SBNO1: variants seen among roughly 807,000 people sequenced by gnomAD.
SBNO1 encodes strawberry notch homolog 1, also known as protein strawberry notch homolog 1.
SBNO1 carries 23 observed loss-of-function variants against 173.6 expected under a neutral mutation model. The ratio of observed to expected loss-of-function variants is 0.13; its 90% CI spans 0.10 to 0.19. SBNO1 has a LOEUF of 0.19. Ranked by LOEUF, SBNO1 falls within the 10% of genes least tolerant of loss-of-function variation. SBNO1 has a pLI of 1.00. For missense variants in SBNO1, 1,238 were observed against 1,671.2 expected (o/e 0.74, Z 4.52); for synonymous variants, 632 against 571.5 (o/e 1.11, Z -1.51).
chr12:123,347,104 G>C (rs952123317), intron 3 of SBNO1, among the ~76,000 whole-genome samples: 2 of 150,506 alleles, frequency 1.3e-5, no homozygotes, highest in Admixed American at 1.3e-4. Flanking sequence ...AAACAAGAAT[G>C]AAAGAAATGT....
chr12:123,289,533 T>A lies in SBNO1; in HGVS notation c.*6375A>T, dbSNP rs1458466713. 2 of 152,224 alleles carry A rather than the reference T, an allele frequency of 1.3e-5. No homozygotes were observed. The highest frequency in any genetic ancestry group is 2.9e-5 in the Non-Finnish European group (2 of 68,030). The allele number at this position is 152,224 out of a possible 1,614,324, so 9.4% of individuals were successfully genotyped here. A position where few individuals can be genotyped will look rare whatever the true frequency, so the allele number is the denominator to read the frequency against. ...AGTTGTCTTTGGATCCCATCAGATG[T>A]TGTCTCCAGATGCACCATGTCAGAT... On this transcript the variant is annotated 3_prime_UTR_variant, in exon 32 of 32. Transcript: ENST00000602398.
rs536119758 is a variant in SBNO1 at position 123,308,009 on chromosome 12, T to C, written c.3630+1301A>G. Among the ~76,000 whole-genome samples, 96 of 152,068 alleles carry C rather than the reference T, an allele frequency of 6.3e-4. 1 individual carries two copies. Among genetic ancestry groups the C allele is most frequent in the African/African-American group, 2.3e-3 (94 of 41,468 alleles). Reference sequence around the variant, plus strand: ...ATCGCTTGAACCTGGGAGGCGGAGGTTGCAGTAAGCCAAGATCGTGCCACT... The same window carrying C: ...ATCGCTTGAACCTGGGAGGCGGAGGCTGCAGTAAGCCAAGATCGTGCCACT... On this transcript the variant is annotated intron_variant, in intron 28 of 31. Transcript: ENST00000602398.
At chr12:123,340,669 C>T (rs1300898747) in intron 5 of SBNO1, among the ~76,000 whole-genome samples, 1 of 149,900 alleles carries the variant, frequency 6.7e-6, no homozygotes, top group Admixed American at 6.6e-5. Flanking sequence ...TATTCAAGTT[C>T]GGTCCTAAAA....
intron 9 of SBNO1, among the ~76,000 whole-genome samples, chr12:123,329,879 G>A (rs1319475377): frequency 6.6e-6 from 1 of 152,146 alleles, no homozygotes; most frequent in Non-Finnish European, 1.5e-5. Flanking sequence ...ATAAAGATTT[G>A]CTAACTGAAC....
intron 31 of SBNO1, among the ~76,000 whole-genome samples, chr12:123,296,255 T>C (rs2048591738): frequency 6.7e-6 from 1 of 149,542 alleles, no homozygotes; most frequent in South Asian, 2.1e-4. Flanking sequence ...CCCAAGCATA[T>C]GCATGTGTTT....
chr12:123,335,347 G>A lies in SBNO1; in HGVS notation c.748+1048C>T, dbSNP rs571860752. On this transcript the variant is annotated intron_variant, in intron 6 of 31. Transcript: ENST00000602398. The stretch of plus-strand genomic sequence containing the variant: ...CTAGCTACTCAAGAGGCTGAAGCAC[G>A]AGAATTGCTAGAATCCAGGAGGGAT... Among the ~76,000 whole-genome samples the A allele has an allele frequency of 4.0e-4, 61 of 152,326 alleles. No individual in the cohort carries two copies. In the Middle Eastern group the frequency reaches 0.014, roughly 34 times the overall value.
chr12:123,331,378 GA>G lies in SBNO1; in HGVS notation c.910-4del, dbSNP rs778241108. ...TTAGGTAGGAAAGTTTCATGTTGCT[GA>G]AAAACAAAAGGCTGGTAATTAATAT... On this transcript the variant is annotated splice_region_variant and splice_polypyrimidine_tract_variant and intron_variant, in intron 7 of 31. Transcript: ENST00000602398. 1 of 1,612,762 alleles carries G rather than the reference GA, an allele frequency of 6.2e-7. No individual in the cohort carries two copies. Among genetic ancestry groups the G allele is most frequent in the Non-Finnish European group, 8.5e-7 (1 of 1,179,500 alleles).
At chr12:123,309,963 T>A in intron 25 of SBNO1, 107 bp from the exon 26 acceptor site, 1 of 845,624 alleles carries the variant, frequency 1.2e-6, no homozygotes, top group Non-Finnish European at 1.9e-6. Context: ...TCTTCCTTCT[T>A]AACTCTTACA....
At chr12:123,321,790 T>C in intron 16 of SBNO1, 58 bp from the exon 17 acceptor site, 1 of 1,317,444 alleles carries the variant, frequency 7.6e-7, no homozygotes, top group African/African-American at 1.5e-5. Flanking sequence ...TAAGATCCAG[T>C]ACATCACATT....
Position 123,326,148 on chromosome 12 carries a change from T to C in SBNO1, c.1875+4A>G, listed in dbSNP as rs765439583. On this transcript the variant is annotated splice_donor_region_variant and intron_variant, in intron 14 of 31. Transcript: ENST00000602398. ...ACAATCTCTTAATGAGTTCTTCTAC[T>C]TACTTTTCCATTCTTGATTTCCTCT... 6.3e-7 allele frequency: 1 copy of C among 1,597,094 alleles called. No homozygotes were observed. The highest frequency in any genetic ancestry group is 1.7e-5 in the Admixed American group (1 of 58,664).
At chr12:123,303,901 A>G (rs1593327678) in intron 29 of SBNO1, among the ~76,000 whole-genome samples, 2 of 150,710 alleles carry the variant, frequency 1.3e-5, no homozygotes, top group East Asian at 3.9e-4. Flanking sequence ...AACAATTTCA[A>G]TATATTATAA....
In SBNO1 at chr12:123,328,899, A is replaced by AAAAAG; in HGVS notation, c.1135-9_1135-5dup. Reference sequence around the variant, plus strand: ...AAGAAATTTTTCCGTATTTAAACTAAAAAAGAAAAGAAAAGAATTTAGTTA... The same window carrying AAAAAG: ...AAGAAATTTTTCCGTATTTAAACTAAAAAAGAAAAGAAAAGAAAAGAATTTAGTTA... On this transcript the variant is annotated splice_region_variant and splice_polypyrimidine_tract_variant and intron_variant, in intron 9 of 31. Coordinates refer to ENST00000602398, the MANE Select transcript of SBNO1 (RefSeq NM_001167856.3). 1.3e-6 allele frequency: 2 copies of AAAAAG among 1,495,632 alleles called. No homozygotes were observed. The highest frequency in any genetic ancestry group is 3.9e-5 in the Admixed American group (2 of 50,690). 92.6% of individuals were successfully genotyped at this position (1,495,632 alleles called of 1,614,324 possible).
At chr12:123,342,949 TAA>T (rs1872729003) in intron 4 of SBNO1, among the ~76,000 whole-genome samples, 1 of 152,128 alleles carries the variant, frequency 6.6e-6, no homozygotes, top group Admixed American at 6.6e-5. Flanking sequence ...CGAGTACAAC[TAA>T]TTAAAGTATT....
chr12:123,301,833 T>C (rs552282529), intron 30 of SBNO1, among the ~76,000 whole-genome samples: 2 of 152,180 alleles, frequency 1.3e-5, no homozygotes, highest in East Asian at 3.9e-4. Flanking sequence ...GAGCTATGAT[T>C]GCTGCACTGT....
intron 6 of SBNO1, 124 bp downstream of exon 6, chr12:123,336,271 G>A (rs375548454): frequency 2.3e-5 from 15 of 653,908 alleles, no homozygotes; most frequent in Admixed American, 1.2e-4. Context: ...CTTTAGTTTT[G>A]GTTTTAAAAG....
intron 16 of SBNO1, among the ~76,000 whole-genome samples, chr12:123,322,858 T>TGACGGA (rs1435670445): frequency 6.7e-6 from 1 of 148,570 alleles, no homozygotes; most frequent in Non-Finnish European, 1.5e-5. Flanking sequence ...CCAGCCTGGG[T>TGACGGA]GACGGAGACG....
At chr12:123,363,344 A>G (rs1425843358) in intron 1 of SBNO1, among the ~76,000 whole-genome samples, 1 of 152,156 alleles carries the variant, frequency 6.6e-6, no homozygotes, top group Non-Finnish European at 1.5e-5. Flanking sequence ...ATCAATTCTG[A>G]TTGCTAGAAA....
intron 25 of SBNO1, 66 bp downstream of exon 25, chr12:123,310,989 A>G: frequency 2.5e-6 from 3 of 1,177,924 alleles, no homozygotes; most frequent in Non-Finnish European, 3.8e-6. Flanking sequence ...GCTCAAAAGC[A>G]TATATCATAA....
intron 6 of SBNO1, 39 bp from the exon 7 acceptor site, chr12:123,334,252 T>G (rs756044290): frequency 8.4e-7 from 1 of 1,188,942 alleles, no homozygotes; most frequent in Middle Eastern, 2.0e-4. Flanking sequence ...TTAATTATTC[T>G]AAGTAATAAC....
Sources: gnomAD v4.1 joint callset for allele counts (sites outside exome capture counted in the v4.1 genomes callset) on GRCh38, gnomAD v4.1.1 for gene constraint, MANE v1.5 for transcripts, NCBI Gene and HGNC (gene_info 2026-07-23, HGNC 2026-07-21) for gene names.